Variants in NR3C2 observed in about 807,000 individuals in gnomAD.
NR3C2 encodes mineralocorticoid receptor.
NR3C2 carries 15 observed loss-of-function variants against 86.4 expected under a neutral mutation model. The ratio of observed to expected loss-of-function variants is 0.17; its 90% CI spans 0.12 to 0.27. The LOEUF is 0.27. Among genes scored for constraint, NR3C2 ranks in the 10% least tolerant of loss-of-function variants. The pLI, the probability that NR3C2 is intolerant of heterozygous loss-of-function variation, is 1.00. For missense variants in NR3C2, 960 were observed against 1,195.6 expected (o/e 0.80, Z 2.91); for synonymous variants, 458 against 450.5 (o/e 1.02, Z -0.21).
At chr4:148,335,323 T>A (rs937565236) in intron 2 of NR3C2, among the ~76,000 whole-genome samples, 2 of 152,240 alleles carry the variant, frequency 1.3e-5, no homozygotes, top group Non-Finnish European at 2.9e-5. Context: ...CTATGAGACA[T>A]GTAAACTTAC....
At chr4:148,161,523 T>A (rs1310303053) in intron 4 of NR3C2, among the ~76,000 whole-genome samples, 1 of 152,096 alleles carries the variant, frequency 6.6e-6, no homozygotes, top group African/African-American at 2.4e-5. Context: ...CTAATTTTTT[T>A]TAAATATTTT....
chr4:148,197,334 T>C (rs1375444064), intron 3 of NR3C2, among the ~76,000 whole-genome samples: 1 of 152,224 alleles, frequency 6.6e-6, no homozygotes, highest in East Asian at 1.9e-4. Flanking sequence ...TAATATACAC[T>C]GAACTGAATA....
intron 3 of NR3C2, among the ~76,000 whole-genome samples, chr4:148,205,290 T>C (rs1421187104): frequency 1.3e-5 from 2 of 152,210 alleles, no homozygotes; most frequent in Non-Finnish European, 2.9e-5. Context: ...CATGCACAAA[T>C]ATTAAATTAG....
At chr4:148,160,985 G>A in intron 4 of NR3C2, among the ~76,000 whole-genome samples, 1 of 152,128 alleles carries the variant, frequency 6.6e-6, no homozygotes, top group East Asian at 1.9e-4. Context: ...TGAAACCAAA[G>A]GAAGCAATGT....
intron 3 of NR3C2, among the ~76,000 whole-genome samples, chr4:148,205,123 C>T (rs1259050846): frequency 1.3e-5 from 2 of 152,152 alleles, no homozygotes; most frequent in African/African-American, 2.4e-5. Flanking sequence ...TCAGGCATAG[C>T]CCAGTTTCTG....
intron 3 of NR3C2, among the ~76,000 whole-genome samples, chr4:148,203,444 ATTT>A (rs35115274): frequency 7.0e-6 from 1 of 143,624 alleles, no homozygotes; most frequent in East Asian, 2.0e-4. Context: ...CTGCTGCAAG[ATTT>A]TTTTTTTTTT....
chr4:148,147,715 T>A lies in NR3C2; in HGVS notation c.2510+4754A>T, dbSNP rs908607857. The stretch of plus-strand genomic sequence containing the variant: ...TCTGCCCTCAAGTGAGTGGCATCAC[T>A]ACTGCTCTTTACACAAAATGCCAGA... On this transcript the variant is annotated intron_variant, in intron 6 of 8. Transcript: ENST00000358102. 2.6e-5 allele frequency among the ~76,000 whole-genome samples: 4 copies of A among 152,224 alleles called. No homozygotes were observed. In the South Asian group the frequency reaches 8.3e-4, roughly 32 times the overall value.
At chr4:148,207,251 T>C (rs116241727) in intron 3 of NR3C2, among the ~76,000 whole-genome samples, 91 of 152,306 alleles carry the variant, frequency 6.0e-4, no homozygotes, top group African/African-American at 2.0e-3. Flanking sequence ...CCTCATGTCC[T>C]GAGCAAGGAA....
At chr4:148,119,448 C>CCATTACATTCCTTACCTCCAT (rs371038147) in intron 7 of NR3C2, among the ~76,000 whole-genome samples, 33 of 152,280 alleles carry the variant, frequency 2.2e-4, no homozygotes, top group African/African-American at 7.2e-4. Flanking sequence ...CTTTGAACCA[C>CCATTACATTCCTTACCTCCAT]CATTACATTC....
At chr4:148,261,394 G>A (rs111476966) in intron 2 of NR3C2, among the ~76,000 whole-genome samples, 2,160 of 150,536 alleles carry the variant, frequency 0.014, 46 homozygotes, top group African/African-American at 0.049. Context: ...TGTATGGTGC[G>A]CTATGGTCAG....
At chr4:148,153,185 TTTTA>T (rs1052976709) in intron 5 of NR3C2, among the ~76,000 whole-genome samples, 2 of 151,936 alleles carry the variant, frequency 1.3e-5, no homozygotes, top group African/African-American at 2.4e-5. Context: ...TTGTTCTTTA[TTTTA>T]TTTATTTATT....
intron 2 of NR3C2, 89 bp downstream of exon 2, chr4:148,435,015 G>T (rs1749966832): frequency 8.1e-7 from 1 of 1,233,398 alleles, no homozygotes; most frequent in Non-Finnish European, 1.2e-6. Flanking sequence ...AATCTGAAAT[G>T]TGTTTAAATT....
At chr4:148,432,975 T>C (rs983644050) in intron 2 of NR3C2, among the ~76,000 whole-genome samples, 18 of 152,110 alleles carry the variant, frequency 1.2e-4, no homozygotes, top group African/African-American at 3.6e-4. Context: ...GGCACAAAAC[T>C]AGTATGTATA....
intron 8 of NR3C2, among the ~76,000 whole-genome samples, chr4:148,093,939 T>C (rs559484380): frequency 1.1e-4 from 17 of 152,322 alleles, no homozygotes; most frequent in African/African-American, 3.8e-4. Context: ...TTCAGTCATA[T>C]ATCTGAAAAG....
intron 2 of NR3C2, among the ~76,000 whole-genome samples, chr4:148,344,131 C>T (rs535586990): frequency 4.6e-5 from 7 of 152,232 alleles, no homozygotes; most frequent in Admixed American, 2.6e-4. Flanking sequence ...GACTTAACTA[C>T]AACAAGGAAG....
chr4:148,241,305 C>CAAAAA (rs1374779029), intron 3 of NR3C2, among the ~76,000 whole-genome samples: 4 of 18,854 alleles, frequency 2.1e-4, no homozygotes, highest in East Asian at 1.9e-3. Flanking sequence ...AACTCTGTCT[C>CAAAAA]AAAAAAAAAA....
chr4:148,153,040 A>C (rs564533447), intron 5 of NR3C2, among the ~76,000 whole-genome samples: 76 of 152,206 alleles, frequency 5.0e-4, no homozygotes, highest in Non-Finnish European at 8.5e-4. Context: ...ATTGTTCATG[A>C]GTTTGTGGTG....
rs775558350 is a variant in NR3C2 at position 148,154,904 on chromosome 4, A to G, written c.2015-3T>C. Reference sequence around the variant, plus strand: ...TCCCAACTTCTTTGACTTTCGTGCTATAAGAAACCATAAATGATAAGGCCA... The same window carrying G: ...TCCCAACTTCTTTGACTTTCGTGCTGTAAGAAACCATAAATGATAAGGCCA... On this transcript the variant is annotated splice_polypyrimidine_tract_variant and splice_region_variant and intron_variant, in intron 4 of 8. Coordinates refer to ENST00000358102, the MANE Select transcript of NR3C2 (RefSeq NM_000901.5). 1.3e-6 allele frequency: 2 copies of G among 1,550,646 alleles called. No homozygotes were observed. The highest frequency in any genetic ancestry group is 8.7e-7 in the Non-Finnish European group (1 of 1,146,920).
At chr4:148,296,216 G>C (rs947935402) in intron 2 of NR3C2, among the ~76,000 whole-genome samples, 1 of 151,886 alleles carries the variant, frequency 6.6e-6, no homozygotes, top group Non-Finnish European at 1.5e-5. Context: ...TTTTAAGAAT[G>C]AAAGTACATT....
Sources: allele counts gnomAD v4.1 joint callset (sites outside exome capture counted in the v4.1 genomes callset), GRCh38; gene constraint gnomAD v4.1.1; transcripts MANE v1.5; gene names NCBI Gene and HGNC (gene_info 2026-07-23, HGNC 2026-07-21).